Variants in MIA2 observed in about 807,000 individuals in gnomAD.
MIA2 encodes MIA SH3 domain ER export factor 2, also known as melanoma inhibitory activity protein 2.
MIA2 carries 127 observed loss-of-function variants against 167.8 expected under a neutral mutation model. The ratio of observed to expected loss-of-function variants is 0.76; its 90% CI spans 0.66 to 0.88. The LOEUF (loss-of-function observed/expected upper bound fraction) is 0.88, where lower values mean the gene tolerates loss of function less well. Ranked by LOEUF, MIA2 falls within the 40% of genes least tolerant of loss-of-function variation. The pLI is 0.00. For missense variants in MIA2, 1,690 were observed against 1,624.7 expected (o/e 1.04, Z -0.69); for synonymous variants, 552 against 541.9 (o/e 1.02, Z -0.26).
chr14:39,359,355 C>T (rs1311114914), intron 23 of MIA2, among the ~76,000 whole-genome samples: 3 of 152,148 alleles, frequency 2.0e-5, no homozygotes. Context: ...TTGAGCCAGG[C>T]GTGGGATATA....
downstream of MIA2, chr14:39,351,453 A>G (rs992144113): frequency 2.6e-5 from 4 of 152,110 alleles, no homozygotes; most frequent in Non-Finnish European, 5.9e-5. Context: ...ATTAAGTAAA[A>G]TGAAGACTGT....
chr14:39,257,361 CT>C (rs540904868), intron 6 of MIA2, among the ~76,000 whole-genome samples: 4 of 151,562 alleles, frequency 2.6e-5, no homozygotes, highest in Non-Finnish European at 5.9e-5. Flanking sequence ...TTTTTTTGAT[CT>C]TTGTTGGTTT....
At chr14:39,358,312 A>C (rs1204838947) in intron 23 of MIA2, among the ~76,000 whole-genome samples, 1 of 152,010 alleles carries the variant, frequency 6.6e-6, no homozygotes, top group Non-Finnish European at 1.5e-5. Context: ...TTAATCTTCC[A>C]TCACTCATAC....
At chr14:39,327,689 A>G (rs1297595440) in intron 25 of MIA2, among the ~76,000 whole-genome samples, 1 of 151,784 alleles carries the variant, frequency 6.6e-6, no homozygotes, top group Non-Finnish European at 1.5e-5. Context: ...TCATTATTCA[A>G]CTCCCACTTA....
rs528238936 is a variant in MIA2 at position 39,338,019 on chromosome 14, G to A, written c.3656-7885G>A. On this transcript the variant is annotated intron_variant, in intron 25 of 28. Transcript: ENST00000640607. ...ATTACAGGCGTGAGCCACTGTGCCC[G>A]GCCATATATAACATTCTTGAAATGA... 5.9e-5 allele frequency among the ~76,000 whole-genome samples: 9 copies of A among 152,220 alleles called. 1 individual carries two copies. In the South Asian group the frequency reaches 1.2e-3, roughly 21 times the overall value.
chr14:39,296,497 A>G (rs1361318175), intron 13 of MIA2, among the ~76,000 whole-genome samples: 3 of 151,042 alleles, frequency 2.0e-5, no homozygotes, highest in African/African-American at 4.9e-5. Context: ...ATTACAGATC[A>G]TTACACATCT....
chr14:39,333,770 T>C (rs371201514), intron 25 of MIA2, among the ~76,000 whole-genome samples: 10 of 152,194 alleles, frequency 6.6e-5, no homozygotes, highest in East Asian at 1.9e-4. Context: ...TTTATACTTA[T>C]GTGTAGGAGA....
At chr14:39,255,037 T>C (rs895262112) in intron 6 of MIA2, among the ~76,000 whole-genome samples, 1 of 152,206 alleles carries the variant, frequency 6.6e-6, no homozygotes, top group Non-Finnish European at 1.5e-5. Context: ...CATTGAGTCT[T>C]TGTGAAAACT....
intron 24 of MIA2, among the ~76,000 whole-genome samples, chr14:39,321,665 A>G (rs947798495): frequency 6.6e-6 from 1 of 152,064 alleles, no homozygotes; most frequent in Non-Finnish European, 1.5e-5. Context: ...AAAACTATAT[A>G]TTACATGATA....
chr14:39,373,838 A>G (rs1240124247), intron 23 of MIA2, among the ~76,000 whole-genome samples: 2 of 152,068 alleles, frequency 1.3e-5, no homozygotes, highest in Non-Finnish European at 2.9e-5. Flanking sequence ...AAAATAAAAA[A>G]TAAAAAATGA....
intron 11 of MIA2, 29 bp from the exon 12 acceptor site, chr14:39,293,971 A>C: frequency 4.5e-6 from 7 of 1,566,642 alleles, no homozygotes; most frequent in Non-Finnish European, 6.1e-6. Flanking sequence ...AGTTTAGTAA[A>C]TATTAATTGC....
intron 6 of MIA2, among the ~76,000 whole-genome samples, chr14:39,273,599 G>GTT (rs57512371): frequency 6.7e-6 from 1 of 149,024 alleles, no homozygotes; most frequent in Non-Finnish European, 1.5e-5. Flanking sequence ...ATGATCATGC[G>GTT]TTTTTTTTTT....
chr14:39,362,372 T>C (rs1369252382), intron 23 of MIA2, among the ~76,000 whole-genome samples: 2 of 152,212 alleles, frequency 1.3e-5, no homozygotes, highest in East Asian at 3.8e-4. Flanking sequence ...GTACTTGTTA[T>C]TGGTCTGTTC....
At chr14:39,382,123 C>G (rs551698969) in intron 23 of MIA2, among the ~76,000 whole-genome samples, 1 of 152,170 alleles carries the variant, frequency 6.6e-6, no homozygotes, top group Non-Finnish European at 1.5e-5. Context: ...TGCTCTCCAT[C>G]GTCAGGGAAG....
At chr14:39,386,298 C>T (rs2075271869) in intron 23 of MIA2, 2 of 1,482,688 alleles carry the variant, frequency 1.3e-6, no homozygotes, top group South Asian at 2.3e-5. Flanking sequence ...TTTCTGGCCT[C>T]CAAAGTGACT....
chr14:39,359,219 A>T (rs1264527837), intron 23 of MIA2, among the ~76,000 whole-genome samples: 1 of 152,194 alleles, frequency 6.6e-6, no homozygotes. Context: ...GCTTCCAAGC[A>T]GGTTTGTTTA....
chr14:39,313,941 G>A (rs1462853334), intron 19 of MIA2, among the ~76,000 whole-genome samples: 1 of 152,018 alleles, frequency 6.6e-6, no homozygotes, highest in Non-Finnish European at 1.5e-5. Flanking sequence ...AAAAGATTCA[G>A]CAGTATCCCA....
intron 6 of MIA2, among the ~76,000 whole-genome samples, chr14:39,254,177 G>A (rs989351214): frequency 1.3e-5 from 2 of 152,142 alleles, no homozygotes; most frequent in South Asian, 2.1e-4. Context: ...TGATTTTGAA[G>A]GAAGAGTAGG....
intron 23 of MIA2, among the ~76,000 whole-genome samples, chr14:39,366,662 G>A (rs960883705): frequency 3.9e-5 from 6 of 152,238 alleles, no homozygotes; most frequent in African/African-American, 1.4e-4. Context: ...TCCTCAGTCT[G>A]TCCTGTGGTA....
Sources: allele counts gnomAD v4.1 joint callset (sites outside exome capture counted in the v4.1 genomes callset), GRCh38; gene constraint gnomAD v4.1.1; transcripts MANE v1.5; gene names NCBI Gene and HGNC (gene_info 2026-07-23, HGNC 2026-07-21).